ZNF394: variants seen among roughly 807,000 people sequenced by gnomAD.
The protein encoded by ZNF394 is zinc finger protein 394.
A neutral mutation model predicts 21.8 loss-of-function variants in ZNF394; 19 were observed. The ratio of observed to expected loss-of-function variants is 0.87; its 90% CI spans 0.61 to 1.28. The LOEUF is 1.28. Ranked by LOEUF, ZNF394 falls within the 50% of genes most tolerant of loss-of-function variation. The pLI is 0.00. For missense variants in ZNF394, 683 were observed against 708.6 expected (o/e 0.96, Z 0.41); for synonymous variants, 294 against 273.3 (o/e 1.08, Z -0.75).
intron 2 of ZNF394, among the ~76,000 whole-genome samples, chr7:99,497,110 G>A (rs1370713018): frequency 4.0e-4 from 47 of 118,726 alleles, no homozygotes; most frequent in African/African-American, 2.1e-3. Context: ...GTGTGTGTGT[G>A]TGTGTGTGTG....
chr7:99,487,360 C>A (rs1421829878), intron 1 of ZNF394: 6 of 1,614,114 alleles, frequency 3.7e-6, no homozygotes, highest in Non-Finnish European at 4.2e-6. Context: ...TAAGAGGAAT[C>A]TTTTTCGACA....
rs375402618 is a variant in ZNF394, at chr7:99,499,855, T to G, written c.239A>C (p.Glu80Ala). 12 of 1,614,100 alleles carry G rather than the reference T, an allele frequency of 7.4e-6. No homozygotes were observed. The highest frequency in any genetic ancestry group is 9.3e-6 in the Non-Finnish European group (11 of 1,180,010). Residue 80 changes from glutamate (E) to alanine (A), a missense_variant, in exon 1 of 3, where the codon GAG (glutamate) becomes GCG (alanine). This residue lies in a region of ZNF394 where 402 missense variants were observed against 373.8 expected (regional missense o/e 1.08). Coordinates refer to ENST00000337673, the MANE Select transcript of ZNF394 (RefSeq NM_032164.4). The stretch of plus-strand genomic sequence containing the variant: ...GAGTTCTCGGAGCCGGCTCAGCGCC[T>G]CTTCCGGTCCAGCCACCTCCTGGTA... ...LRYQEVAGPE[E>A]ALSRLRELCR...
At chr7:99,489,859 G>A (rs1056621478), downstream of ZNF394, among the ~76,000 whole-genome samples, 1 of 152,026 alleles carries the variant, frequency 6.6e-6, no homozygotes, top group African/African-American at 2.4e-5. Flanking sequence ...GCTCTAATTT[G>A]CCGGGCGTGG....
downstream of ZNF394, among the ~76,000 whole-genome samples, chr7:99,491,331 CT>C (rs112363945): frequency 1.1e-4 from 16 of 152,232 alleles, no homozygotes; most frequent in African/African-American, 3.6e-4. Flanking sequence ...CTCCCCAAAC[CT>C]TGGAGAATTC....
Position 99,493,319 on chromosome 7 carries a change from T to TCC in ZNF394, c.*209_*210insGG. The TCC allele has an allele frequency of 8.5e-7, 1 of 1,177,404 alleles. No homozygotes were observed. The highest frequency in any genetic ancestry group is 1.1e-6 in the Non-Finnish European group (1 of 907,556). 72.9% of individuals were successfully genotyped at this position (1,177,404 alleles called of 1,614,324 possible). The stretch of plus-strand genomic sequence containing the variant: ...TTGCCCAGGCTGGAGTGCAGTGGCA[T>TCC]GATCTCAGCTCACTGCAACTTCCGC... On this transcript the variant is annotated 3_prime_UTR_variant, in exon 3 of 3. Transcript: ENST00000337673.
At chr7:99,487,026 T>C (rs746440971) in intron 1 of ZNF394, 5 of 1,613,978 alleles carry the variant, frequency 3.1e-6, no homozygotes, top group Non-Finnish European at 4.2e-6. Context: ...TCGCGTATCT[T>C]GTTGAACATA....
Position 99,498,819 on chromosome 7 carries a change from C to T in ZNF394, c.480G>A (p.Thr160=), listed in dbSNP as rs1321359170. ...ACTCCTCCCAGGTTAGAGACACAGC[C>T]GTGTCCTCGAAAGTCACCATCCCCT... is the stretch of plus-strand genomic sequence containing the variant. The part of the protein sequence containing the change: ...SSQGMVTFED[T]AVSLTWEEWE... Residue 160 remains threonine, a synonymous_variant, in exon 2 of 3, where the codon ACG becomes ACA. Coordinates refer to ENST00000337673, the MANE Select transcript of ZNF394 (RefSeq NM_032164.4). 3 of 1,613,570 alleles carry T rather than the reference C, an allele frequency of 1.9e-6. No individual in the cohort carries two copies. Among genetic ancestry groups the T allele is most frequent in the African/African-American group, 2.7e-5 (2 of 74,900 alleles).
At chr7:99,492,782 C>T (rs1012266979), downstream of ZNF394, among the ~76,000 whole-genome samples, 12 of 149,990 alleles carry the variant, frequency 8.0e-5, no homozygotes, top group African/African-American at 2.7e-4. Context: ...ATAGCAAGAC[C>T]CTATCTCTTA....
downstream of ZNF394, among the ~76,000 whole-genome samples, chr7:99,491,104 A>G (rs1351061606): frequency 6.6e-6 from 1 of 152,038 alleles, no homozygotes; most frequent in Non-Finnish European, 1.5e-5. Flanking sequence ...TGGTCTCCTG[A>G]CCGTGATGGT....
At position 99,499,658 on chromosome 7, in the gene ZNF394, G is replaced by A. The variant is rs760643159; in HGVS notation, c.436C>T (p.Leu146Phe). 4.3e-5 allele frequency: 69 copies of A among 1,600,118 alleles called. No individual in the cohort carries two copies. The highest frequency in any genetic ancestry group is 5.7e-5 in the Non-Finnish European group (67 of 1,175,412). ...CTCACCTGGGATGAGGTTCCATCGA[G>A]CGCTCGCTGCAGAGCCCGCACCACG... ...VAVVRALQRA[L>F]DGTSSQGMVT... The change falls in exon 1 of 3, where the codon CTC becomes TTC. Residue 146 changes from leucine (L) to phenylalanine (F), a missense_variant. This residue lies in a region of ZNF394 where 402 missense variants were observed against 373.8 expected (regional missense o/e 1.08). Transcript: ENST00000337673.
downstream of ZNF394, among the ~76,000 whole-genome samples, chr7:99,491,058 T>C (rs1800151838): frequency 6.6e-6 from 1 of 152,072 alleles, no homozygotes; most frequent in Non-Finnish European, 1.5e-5. Flanking sequence ...AGGCCTCTAT[T>C]ACACGTGCCC....
At chr7:99,498,632 A>C in intron 2 of ZNF394, 84 bp downstream of exon 2, 1 of 1,581,190 alleles carries the variant, frequency 6.3e-7, no homozygotes, top group Non-Finnish European at 8.6e-7. Flanking sequence ...AAGTCTGGGA[A>C]TGGCATAGTG....
chr7:99,492,902 C>T (rs1395279712), downstream of ZNF394, among the ~76,000 whole-genome samples: 5 of 152,012 alleles, frequency 3.3e-5, no homozygotes, highest in African/African-American at 9.7e-5. Flanking sequence ...CAGTGAACCA[C>T]GATCACACCA....
rs369705131 is a variant in ZNF394 at position 99,499,800 on chromosome 7, G to A, written c.294C>T (p.Leu98=). 177 of 1,614,080 alleles carry A rather than the reference G, an allele frequency of 1.1e-4. No homozygotes were observed. The highest frequency in any genetic ancestry group is 1.4e-4 in the Non-Finnish European group (163 of 1,180,064). The part of the protein sequence containing the change: ...LCRRWLRPEL[L]SKEQILELLV... ...GCAGCTCCAGGATCTGCTCCTTGGA[G>A]AGCAGCTCGGGTCTCAGCCACCGAC... The change falls in exon 1 of 3, where the codon CTC becomes CTT. Residue 98 remains leucine (L), a synonymous_variant. Coordinates refer to ENST00000337673, the MANE Select transcript of ZNF394 (RefSeq NM_032164.4).
chr7:99,494,729 T>TTTTTA (rs10633389), intron 2 of ZNF394, 98 bp from the exon 3 acceptor site: 72,289 of 1,407,776 alleles, frequency 0.051, 3,978 homozygotes, highest in African/African-American at 0.28. Context: ...CCCCTTTTAC[T>TTTTTA]TTTTAATTAA....
In ZNF394 at chr7:99,486,569, A is replaced by C. The variant is rs141501495; in HGVS notation, n.478T>G. Reference sequence around the variant, plus strand: ...TATAAGATATCAGTGGTAATGCAGGAATCAGCTGAGAAACTTTCAGAAAAG... The same window carrying C: ...TATAAGATATCAGTGGTAATGCAGGCATCAGCTGAGAAACTTTCAGAAAAG... On this transcript the variant is annotated non_coding_transcript_exon_variant, in exon 2 of 2. Transcript: ENST00000462024. 38 of 1,614,224 alleles carry C rather than the reference A, an allele frequency of 2.4e-5. No individual in the cohort carries two copies. In the African/African-American group the frequency reaches 4.4e-4, roughly 19 times the overall value.
At chr7:99,497,122 G>GTGTGTGTATA (rs1322382800) in intron 2 of ZNF394, among the ~76,000 whole-genome samples, 202 of 79,356 alleles carry the variant, frequency 2.5e-3, no homozygotes, top group Non-Finnish European at 3.3e-3. Context: ...GTGTGTGTGT[G>GTGTGTGTATA]TATATATATA....
Position 99,494,426 on chromosome 7 carries a change from T to A in ZNF394, c.789A>T (p.Gly263=), listed in dbSNP as rs1204093732. The change falls in exon 3 of 3, where the codon GGA becomes GGT. Residue 263 remains glycine, a synonymous_variant. Transcript: ENST00000337673. ...LKLENSPEAE[G]LNSISDVNKN... is the part of the protein sequence containing the mutation. ...TATTGACATCTGAGATGCTGTTGAG[T>A]CCTTCTGCTTCAGGAGAATTTTCAA... 4 of 1,614,158 alleles carry A rather than the reference T, an allele frequency of 2.5e-6. 1 individual carries two copies. The South Asian group carries it at 4.4e-5, about 18-fold the overall frequency.
At chr7:99,492,307 G>A (rs957833881), downstream of ZNF394, among the ~76,000 whole-genome samples, 1 of 151,930 alleles carries the variant, frequency 6.6e-6, no homozygotes, top group Admixed American at 6.6e-5. Flanking sequence ...TACATTCTTA[G>A]GCAAGTATTA....
Sources: gnomAD v4.1 joint callset for allele counts (sites outside exome capture counted in the v4.1 genomes callset) on GRCh38, gnomAD v4.1.1 for gene constraint, gnomAD v4.1.1 regional missense constraint, MANE v1.5 for transcripts, NCBI Gene and HGNC (gene_info 2026-07-23, HGNC 2026-07-21) for gene names.